EPG5: variants seen among roughly 807,000 people sequenced by gnomAD.
The protein encoded by EPG5 is ectopic P granules protein 5 homolog.
EPG5 carries 159 observed loss-of-function variants against 302.7 expected under a neutral mutation model. The ratio of observed to expected loss-of-function variants is 0.53; its 90% CI spans 0.46 to 0.60. The LOEUF (loss-of-function observed/expected upper bound fraction) is 0.60, where lower values mean the gene tolerates loss of function less well. Ranked by LOEUF, EPG5 falls within the 20% of genes least tolerant of loss-of-function variation. The pLI is 0.00. For synonymous variants in EPG5, 1,158 were observed against 1,136.8 expected (o/e 1.02, Z -0.37); for missense variants, 2,896 against 3,092.4 (o/e 0.94, Z 1.51).
At chr18:45,868,192 C>G (rs2048787670) in intron 36 of EPG5, 2 of 455,240 alleles carry the variant, frequency 4.4e-6, no homozygotes, top group Non-Finnish European at 8.8e-6. Context: ...CTGGGCCTAC[C>G]CCTAGAGCTT....
At chr18:45,837,882 G>A in the EPG5 span, 7 of 1,526,542 alleles carry the variant, frequency 4.6e-6, no homozygotes, top group Admixed American at 9.8e-5. Context: ...CACGGCGTCC[G>A]GCTGCACGTG....
chr18:45,967,308 TCTGGCCTCC>T lies in EPG5; in HGVS notation c.-78_-70del, dbSNP rs111232129. The T allele has an allele frequency of 1.8e-4, 263 of 1,434,806 alleles. 1 individual carries two copies. In the African/African-American group the frequency reaches 3.2e-3, roughly 18 times the overall value. 88.9% of individuals were successfully genotyped at this position (1,434,806 alleles called of 1,614,324 possible). ...CTGCGCTTCAAGCAACCTGCCCGGT[TCTGGCCTCC>T]GGACTGTCACATGATCGAATCTCCG... On this transcript the variant is annotated 5_prime_UTR_variant, in exon 1 of 44. Transcript: ENST00000282041.
At position 45,867,416 on chromosome 18, in the gene EPG5, G is replaced by A. The variant is rs906352289; in HGVS notation, c.6411+147C>T. 5.9e-6 allele frequency: 4 copies of A among 679,550 alleles called. No homozygotes were observed. In the Admixed American group the frequency reaches 9.6e-5, roughly 16 times the overall value. 42.1% of individuals were successfully genotyped at this position (679,550 alleles called of 1,614,324 possible). ...ATAATGAGCTATCCAAGAAAATCAGGCATCTGGTTAAAGGTACATCTCATA... is the reference window on the plus strand; with the variant it reads ...ATAATGAGCTATCCAAGAAAATCAGACATCTGGTTAAAGGTACATCTCATA... On this transcript the variant is annotated intron_variant, in intron 37 of 43. Transcript: ENST00000282041.
chr18:45,880,022 C>A, intron 32 of EPG5, 53 bp downstream of exon 32: 1 of 1,477,432 alleles, frequency 6.8e-7, no homozygotes. Context: ...AAATGAATAG[C>A]AAGGGAAATA....
chr18:45,832,481 C>T, the EPG5 span, among the ~76,000 whole-genome samples: 7 of 151,072 alleles, frequency 4.6e-5, no homozygotes, highest in Admixed American at 1.3e-4. Flanking sequence ...GAGCCTAGGA[C>T]GTGCCAGGCA....
intron 24 of EPG5, among the ~76,000 whole-genome samples, chr18:45,905,038 T>C (rs1233612724): frequency 2.0e-5 from 3 of 152,150 alleles, no homozygotes; most frequent in Non-Finnish European, 2.9e-5. Context: ...AATTTTTTCA[T>C]AATAACAGGT....
At chr18:45,943,823 A>C (rs1323043624) in intron 8 of EPG5, among the ~76,000 whole-genome samples, 182 bp downstream of exon 8, 2 of 152,088 alleles carry the variant, frequency 1.3e-5, no homozygotes. Context: ...CGGGAGGCTG[A>C]GGCAGGAGAA....
chr18:45,903,202 C>T (rs1398122405), intron 25 of EPG5, among the ~76,000 whole-genome samples: 1 of 151,870 alleles, frequency 6.6e-6, no homozygotes, highest in Non-Finnish European at 1.5e-5. Flanking sequence ...TCTCTATATA[C>T]CTTTCTATAT....
chr18:45,955,141 G>A lies in EPG5; in HGVS notation c.261C>T (p.Ser87=), dbSNP rs772177058. Residue 87 remains serine (S), a synonymous_variant, in exon 2 of 44, where the codon TCC becomes TCT. Transcript: ENST00000282041. ...GGGACTCTTCATTGCTTATAGTTAAGGAGGTGAGTGGTACATCAAACATTT... is the reference window on the plus strand; with the variant it reads ...GGGACTCTTCATTGCTTATAGTTAAAGAGGTGAGTGGTACATCAAACATTT... The part of the protein sequence containing the change: ...ESEMFDVPLT[S]LTISNEESLT... 3 of 1,614,090 alleles carry A rather than the reference G, an allele frequency of 1.9e-6. No homozygotes were observed. The East Asian group carries it at 6.7e-5, about 36-fold the overall frequency.
intron 9 of EPG5, 78 bp from the exon 10 acceptor site, chr18:45,939,833 T>C: frequency 1.5e-6 from 2 of 1,343,742 alleles, no homozygotes; most frequent in East Asian, 4.7e-5. Context: ...CCAACATTCA[T>C]TTATTCAACA....
At chr18:45,837,813 G>A in the EPG5 span, 2 of 1,531,484 alleles carry the variant, frequency 1.3e-6, no homozygotes. Context: ...GCTGACGACC[G>A]CCGCTACTTC....
the EPG5 span, among the ~76,000 whole-genome samples, chr18:45,819,763 C>CA: frequency 6.6e-6 from 1 of 152,056 alleles, no homozygotes; most frequent in African/African-American, 2.4e-5. Flanking sequence ...CTCTTGAACT[C>CA]ACGTTGTTTT....
chr18:45,911,134 T>A (rs1343934797), intron 22 of EPG5, among the ~76,000 whole-genome samples: 10 of 151,154 alleles, frequency 6.6e-5, no homozygotes, highest in Admixed American at 5.3e-4. Flanking sequence ...TATACATTTT[T>A]TTTTTGAGAC....
chr18:45,899,329 A>G (rs1038779065), intron 27 of EPG5, 75 bp downstream of exon 27: 11 of 1,553,490 alleles, frequency 7.1e-6, no homozygotes, highest in Middle Eastern at 3.4e-4. Context: ...ATGTCTTTCA[A>G]TCTTTCTCAT....
chr18:45,838,611 A>C, the EPG5 span: 1 of 1,382,216 alleles, frequency 7.2e-7, no homozygotes, highest in Non-Finnish European at 9.4e-7. Context: ...CTGGCACCCA[A>C]GTGCCCATTC....
intron 2 of EPG5, chr18:45,953,466 A>C: frequency 1.0e-6 from 1 of 985,394 alleles, no homozygotes; most frequent in Non-Finnish European, 1.2e-6. Flanking sequence ...CAGGTCTGCC[A>C]ATGAATGAGG....
chr18:45,836,801 C>T, the EPG5 span, among the ~76,000 whole-genome samples: 2 of 152,354 alleles, frequency 1.3e-5, no homozygotes, highest in African/African-American at 4.8e-5. Flanking sequence ...AGCTTCCAAA[C>T]ACACTGCCCC....
intron 6 of EPG5, among the ~76,000 whole-genome samples, chr18:45,947,065 G>C (rs2050799124): frequency 6.6e-6 from 1 of 152,196 alleles, no homozygotes; most frequent in Non-Finnish European, 1.5e-5. Flanking sequence ...CTCAAACCAG[G>C]CTCACAAAGT....
At chr18:45,900,552 T>C (rs1294238286) in intron 26 of EPG5, among the ~76,000 whole-genome samples, 2 of 152,210 alleles carry the variant, frequency 1.3e-5, no homozygotes, top group Non-Finnish European at 2.9e-5. Flanking sequence ...GATCATATTG[T>C]ATCCACCTTG....
Sources: gnomAD v4.1 joint callset for allele counts (sites outside exome capture counted in the v4.1 genomes callset) on GRCh38, gnomAD v4.1.1 for gene constraint, MANE v1.5 for transcripts, NCBI Gene and HGNC (gene_info 2026-07-23, HGNC 2026-07-21) for gene names.